The following CACNB2 variants were observed in gnomAD, a reference collection of about 807,000 sequenced individuals.
CACNB2 encodes the protein calcium voltage-gated channel auxiliary subunit beta 2, also known as voltage-dependent L-type calcium channel subunit beta-2.
CACNB2 carries 42 observed loss-of-function variants against 73.3 expected under a neutral mutation model. That is an observed-to-expected ratio of 0.57 (90% CI 0.45 to 0.74). CACNB2 has a LOEUF of 0.74. Ranked by LOEUF, CACNB2 falls within the 30% of genes least tolerant of loss-of-function variation. The pLI is 0.00. For missense variants in CACNB2, 940 were observed against 853.0 expected (o/e 1.10, Z -1.27); for synonymous variants, 348 against 310.3 (o/e 1.12, Z -1.28).
At chr10:18,247,587 C>T (rs1255770282) in intron 2 of CACNB2, among the ~76,000 whole-genome samples, 1 of 152,096 alleles carries the variant, frequency 6.6e-6, no homozygotes, top group East Asian at 1.9e-4. Flanking sequence ...ATTTTAGGCA[C>T]ATCTGTAGGT....
chr10:18,283,680 GA>G (rs2038658149), intron 2 of CACNB2, among the ~76,000 whole-genome samples: 2 of 130,386 alleles, frequency 1.5e-5, no homozygotes, highest in Non-Finnish European at 3.2e-5. Context: ...GAGTTTGGGG[GA>G]GGGGGGAGGG....
At chr10:18,157,906 A>C (rs943444207) in intron 2 of CACNB2, among the ~76,000 whole-genome samples, 4 of 152,156 alleles carry the variant, frequency 2.6e-5, no homozygotes, top group Non-Finnish European at 1.5e-5. Context: ...GTAAATTTTC[A>C]CTAGGCATCA....
chr10:18,387,300 G>A (rs1239086731), intron 2 of CACNB2, among the ~76,000 whole-genome samples: 2 of 151,986 alleles, frequency 1.3e-5, no homozygotes, highest in African/African-American at 4.8e-5. Context: ...TTCCCTCATA[G>A]TGTCCCATGG....
At chr10:18,299,539 C>T (rs1424605399) in intron 2 of CACNB2, among the ~76,000 whole-genome samples, 3 of 152,052 alleles carry the variant, frequency 2.0e-5, no homozygotes, top group Non-Finnish European at 1.5e-5. Context: ...GGTGAAACCC[C>T]ATCTCCACAA....
At chr10:18,176,660 G>T (rs1588625303) in intron 2 of CACNB2, among the ~76,000 whole-genome samples, 1 of 150,026 alleles carries the variant, frequency 6.7e-6, no homozygotes, top group African/African-American at 2.5e-5. Context: ...GCAAATGGTG[G>T]AGATCTAGAA....
chr10:18,402,136 C>A, intron 3 of CACNB2, 93 bp downstream of exon 3: 1 of 1,357,808 alleles, frequency 7.4e-7, no homozygotes, highest in Non-Finnish European at 1.0e-6. Context: ...GTTGTTTGAT[C>A]TATTAGAGAA....
chr10:18,445,435 G>T (rs918012372), intron 3 of CACNB2, among the ~76,000 whole-genome samples: 1 of 152,144 alleles, frequency 6.6e-6, no homozygotes, highest in Non-Finnish European at 1.5e-5. Flanking sequence ...CCATATTTTG[G>T]CAACAGAGTT....
chr10:18,442,994 ATATGTGTATATATATATATG>A (rs1490435454), intron 3 of CACNB2, among the ~76,000 whole-genome samples: 1 of 17,112 alleles, frequency 5.8e-5, no homozygotes, highest in Middle Eastern at 0.021. Flanking sequence ...ATGTATATAT[ATATGTGTATATATATATATG>A]TATATATATA....
At chr10:18,246,644 G>A (rs1279804768) in intron 2 of CACNB2, among the ~76,000 whole-genome samples, 4 of 152,054 alleles carry the variant, frequency 2.6e-5, no homozygotes, top group Non-Finnish European at 4.4e-5. Flanking sequence ...GCAGTGGTGC[G>A]ATCATGGCTT....
At chr10:18,514,642 A>G in intron 7 of CACNB2, 1 of 1,290,456 alleles carries the variant, frequency 7.7e-7, no homozygotes, top group African/African-American at 1.5e-5. Flanking sequence ...GAACCTATCA[A>G]CAGCTAATTG....
intron 2 of CACNB2, among the ~76,000 whole-genome samples, chr10:18,382,851 C>A (rs1320067370): frequency 6.6e-6 from 1 of 152,112 alleles, no homozygotes; most frequent in African/African-American, 2.4e-5. Context: ...AATGTACATA[C>A]GAGTGTGTGT....
intron 3 of CACNB2, among the ~76,000 whole-genome samples, chr10:18,479,710 TC>T (rs1244230822): frequency 4.6e-5 from 7 of 151,882 alleles, no homozygotes; most frequent in African/African-American, 1.5e-4. Context: ...GCTCGCTCGC[TC>T]TCTCGCTCTC....
At chr10:18,381,688 CAAAA>C (rs200757952) in intron 2 of CACNB2, among the ~76,000 whole-genome samples, 4 of 78,520 alleles carry the variant, frequency 5.1e-5, no homozygotes, top group Non-Finnish European at 2.6e-5. Context: ...GACTCCGTCT[CAAAA>C]AAAAAAAAAA....
chr10:18,175,889 C>T (rs1025387123), intron 2 of CACNB2, among the ~76,000 whole-genome samples: 2 of 152,188 alleles, frequency 1.3e-5, no homozygotes, highest in African/African-American at 4.8e-5. Context: ...TGAGCCGCTG[C>T]ACCCGGCCTC....
chr10:18,173,123 T>C (rs1023232622), intron 2 of CACNB2, among the ~76,000 whole-genome samples: 2 of 152,096 alleles, frequency 1.3e-5, no homozygotes, highest in Non-Finnish European at 2.9e-5. Context: ...TTTCACCATG[T>C]TGGCCAGACT....
rs777856566 is a variant in CACNB2, at chr10:18,542,470, G to C, written c.*2746G>C. ...TATTTCATCCCAATTAATGATTTTA[G>C]AATATTTAAATTCTTGAAACATAGC... is the stretch of plus-strand genomic sequence containing the variant. On this transcript the variant is annotated 3_prime_UTR_variant, in exon 14 of 14. Transcript: ENST00000324631. The C allele has an allele frequency of 1.3e-5, 2 of 152,082 alleles. No individual in the cohort carries two copies. The highest frequency in any genetic ancestry group is 2.9e-5 in the Non-Finnish European group (2 of 68,020). The allele number at this position is 152,082 out of a possible 1,614,324, so 9.4% of individuals were successfully genotyped here. A position where few individuals can be genotyped will look rare whatever the true frequency, so the allele number is the denominator to read the frequency against.
chr10:18,142,987 T>C (rs573658979), intron 1 of CACNB2, among the ~76,000 whole-genome samples: 1 of 152,376 alleles, frequency 6.6e-6, no homozygotes, highest in East Asian at 1.9e-4. Flanking sequence ...TTACACCAGA[T>C]ATTTTTGAGA....
intron 3 of CACNB2, among the ~76,000 whole-genome samples, chr10:18,438,084 C>G (rs1452016058): frequency 2.5e-5 from 3 of 122,178 alleles, no homozygotes; most frequent in East Asian, 5.5e-4. Flanking sequence ...GTGGCGCTAT[C>G]TCGGTTTACT....
In CACNB2 at chr10:18,351,835, G is replaced by A. The variant is rs1248682745; in HGVS notation, c.214-50089G>A. ...CTTTTAAAGTGTGATTTCTATTAGAGGCTTTTTTTCCTGATGAATTCATTG... is the reference window on the plus strand; with the variant it reads ...CTTTTAAAGTGTGATTTCTATTAGAAGCTTTTTTTCCTGATGAATTCATTG... On this transcript the variant is annotated intron_variant, in intron 2 of 13. Transcript: ENST00000324631. 4.6e-5 allele frequency among the ~76,000 whole-genome samples: 7 copies of A among 152,270 alleles called. 1 individual carries two copies. The highest frequency in any genetic ancestry group is 4.6e-4 in the Admixed American group (7 of 15,298).
Sources: allele counts gnomAD v4.1 joint callset (sites outside exome capture counted in the v4.1 genomes callset), GRCh38; gene constraint gnomAD v4.1.1; transcripts MANE v1.5; gene names NCBI Gene and HGNC (gene_info 2026-07-23, HGNC 2026-07-21).